TASP1: variants seen among roughly 807,000 people sequenced by gnomAD.
The protein encoded by TASP1 is threonine aspartase 1.
A neutral mutation model predicts 56.6 loss-of-function variants in TASP1; 16 were observed. The observed-to-expected ratio is 0.28, with a 90% confidence interval of 0.19 to 0.43. The LOEUF is 0.43. TASP1 is among the 20% of genes least tolerant of loss of function. TASP1 has a pLI of 1.00. For synonymous variants in TASP1, 179 were observed against 184.2 expected (o/e 0.97, Z 0.23); for missense variants, 393 against 511.6 (o/e 0.77, Z 2.24).
the TASP1 span, among the ~76,000 whole-genome samples, chr20:13,330,801 A>C: frequency 6.6e-6 from 1 of 152,096 alleles, no homozygotes; most frequent in Non-Finnish European, 1.5e-5. Context: ...ATATGCACTG[A>C]GGTGTTCATA....
At chr20:13,228,433 T>C in the TASP1 span, among the ~76,000 whole-genome samples, 1 of 152,214 alleles carries the variant, frequency 6.6e-6, no homozygotes. Context: ...AATTTGGCAG[T>C]TGGCTGTCTT....
At chr20:13,381,812 C>G in the TASP1 span, among the ~76,000 whole-genome samples, 1 of 152,182 alleles carries the variant, frequency 6.6e-6, no homozygotes, top group African/African-American at 2.4e-5. Flanking sequence ...CTCTGGTCTT[C>G]TTTGTTTGCC....
intron 11 of TASP1, among the ~76,000 whole-genome samples, chr20:13,467,502 T>A (rs2044308895): frequency 6.6e-6 from 1 of 152,142 alleles, no homozygotes; most frequent in African/African-American, 2.4e-5. Flanking sequence ...AGGAGCTAAT[T>A]TTTACCTATA....
At chr20:13,317,734 C>T in the TASP1 span, among the ~76,000 whole-genome samples, 3 of 152,058 alleles carry the variant, frequency 2.0e-5, no homozygotes, top group Non-Finnish European at 2.9e-5. Context: ...AGTGAGCATT[C>T]ACATGCAAAA....
chr20:13,434,891 G>A (rs543155851), intron 12 of TASP1, among the ~76,000 whole-genome samples, 153 bp downstream of exon 12: 4 of 152,094 alleles, frequency 2.6e-5, no homozygotes, highest in Admixed American at 6.5e-5. Flanking sequence ...GCTTATCTAC[G>A]GAAAAAGATC....
rs867014708 is a variant in TASP1, at chr20:13,512,557, G to A, written c.874+15876C>T. On this transcript the variant is annotated intron_variant, in intron 10 of 13. Coordinates refer to ENST00000337743, the MANE Select transcript of TASP1 (RefSeq NM_017714.3). ...TTTTCTCCCATTCTGTAGGTTGCCTGTTCACTCTGATAGTAGTTTTTTTGC... is the reference window on the plus strand; with the variant it reads ...TTTTCTCCCATTCTGTAGGTTGCCTATTCACTCTGATAGTAGTTTTTTTGC... Among the ~76,000 whole-genome samples, 136 of 152,252 alleles carry A rather than the reference G, an allele frequency of 8.9e-4. No homozygotes were observed. In the Middle Eastern group the frequency reaches 0.034, roughly 38 times the overall value.
chr20:13,183,680 C>T, the TASP1 span, among the ~76,000 whole-genome samples: 1 of 152,016 alleles, frequency 6.6e-6, no homozygotes, highest in Non-Finnish European at 1.5e-5. Context: ...TGAAAAATAA[C>T]AATGAACAAT....
At chr20:13,620,323 G>C (rs1265518694) in intron 4 of TASP1, among the ~76,000 whole-genome samples, 2 of 144,980 alleles carry the variant, frequency 1.4e-5, no homozygotes, top group East Asian at 4.0e-4. Flanking sequence ...TATTTCTTTT[G>C]CCTTGTCTCT....
intron 11 of TASP1, among the ~76,000 whole-genome samples, chr20:13,436,758 C>T (rs1160880733): frequency 6.6e-6 from 1 of 152,098 alleles, no homozygotes; most frequent in Non-Finnish European, 1.5e-5. Context: ...AGCAACGCAG[C>T]CAACTCAAGA....
intron 7 of TASP1, among the ~76,000 whole-genome samples, chr20:13,560,865 A>C (rs930630145): frequency 6.6e-6 from 1 of 152,228 alleles, no homozygotes; most frequent in Non-Finnish European, 1.5e-5. Context: ...TAAACACCCA[A>C]GAAGCTCAAG....
intron 1 of TASP1, among the ~76,000 whole-genome samples, chr20:13,635,984 TGGTGTTAAAGTTTTTCACCGTA>T: frequency 6.6e-6 from 1 of 152,242 alleles, no homozygotes; most frequent in South Asian, 2.1e-4. Context: ...CCTGTTGCTG[TGGTGTTAAAGTTTTTCACCGTA>T]GGTTTGCTTA....
At chr20:13,277,230 T>G in the TASP1 span, among the ~76,000 whole-genome samples, 1 of 152,166 alleles carries the variant, frequency 6.6e-6, no homozygotes, top group African/African-American at 2.4e-5. Context: ...CACGTTTTGT[T>G]TAAGCAATCC....
intron 11 of TASP1, among the ~76,000 whole-genome samples, chr20:13,456,560 C>T (rs1024513227): frequency 4.6e-5 from 7 of 152,138 alleles, no homozygotes; most frequent in Non-Finnish European, 2.9e-5. Context: ...TCAGATCTTT[C>T]GGAATGGACT....
chr20:13,141,517 C>T, the TASP1 span, among the ~76,000 whole-genome samples: 3 of 152,316 alleles, frequency 2.0e-5, no homozygotes, highest in South Asian at 6.2e-4. Context: ...TCAGCCAGGA[C>T]ATGGTGTTTG....
the TASP1 span, among the ~76,000 whole-genome samples, chr20:13,283,172 C>A: frequency 6.6e-6 from 1 of 152,166 alleles, no homozygotes; most frequent in Non-Finnish European, 1.5e-5. Flanking sequence ...TCCAAAAGTG[C>A]TGGGATTTTA....
chr20:13,123,653 C>T, the TASP1 span, among the ~76,000 whole-genome samples: 1 of 152,170 alleles, frequency 6.6e-6, no homozygotes, highest in African/African-American at 2.4e-5. Flanking sequence ...CTGGCTTCTC[C>T]CTCTCTTCCC....
intron 1 of TASP1, among the ~76,000 whole-genome samples, chr20:13,634,431 T>C (rs561050605): frequency 3.9e-5 from 6 of 152,270 alleles, no homozygotes; most frequent in African/African-American, 1.4e-4. Context: ...CTTTTTGTGC[T>C]GATAAAAATG....
chr20:13,124,482 G>A, the TASP1 span, among the ~76,000 whole-genome samples: 81 of 151,596 alleles, frequency 5.3e-4, 1 homozygote, highest in Admixed American at 1.4e-3. Context: ...AAGGAAGGAA[G>A]CTAGAAGGAA....
At chr20:13,112,127 C>T in the TASP1 span, among the ~76,000 whole-genome samples, 1 of 152,210 alleles carries the variant, frequency 6.6e-6, no homozygotes, top group Non-Finnish European at 1.5e-5. Context: ...TTATTATTTC[C>T]CACGCTACCG....
Sources: allele counts gnomAD v4.1 joint callset (sites outside exome capture counted in the v4.1 genomes callset), GRCh38; gene constraint gnomAD v4.1.1; transcripts MANE v1.5; gene names NCBI Gene and HGNC (gene_info 2026-07-23, HGNC 2026-07-21).